The following LRFN2 variants were observed in gnomAD, a reference collection of about 807,000 sequenced individuals.
LRFN2 encodes leucine rich repeat and fibronectin type III domain containing 2.
In LRFN2, 18 loss-of-function variants were observed where a neutral mutation model predicts 37.3. The observed-to-expected ratio is 0.48, with a 90% CI of 0.33 to 0.72. The LOEUF is 0.72. LRFN2 is among the 30% of genes least tolerant of loss of function. LRFN2 has a pLI of 0.02. For synonymous variants in LRFN2, 556 were observed against 466.6 expected, an observed-to-expected ratio of 1.19 and a Z score of -2.47; for missense variants, 1,006 against 1,060.7, an observed-to-expected ratio of 0.95 and a Z score of 0.72.
In LRFN2 at chr6:40,493,811, G is replaced by A. The variant is rs190414371; in HGVS notation, c.-18-60680C>T. Among the ~76,000 whole-genome samples the A allele has an allele frequency of 1.7e-3, 254 of 152,298 alleles. 1 individual carries two copies. Among genetic ancestry groups the A allele is most frequent in the South Asian group, 7.7e-3 (37 of 4,808 alleles). ...GTCAATCCTGCCTTATCCCCATCAA[G>A]CCAGGCTCTAGAACCCCAGTCAGGG... On this transcript the variant is annotated intron_variant, in intron 1 of 2. Transcript: ENST00000338305.
intron 1 of LRFN2, among the ~76,000 whole-genome samples, chr6:40,463,395 ATTTCATATCCTT>A (rs1343296964): frequency 2.0e-5 from 3 of 152,112 alleles, no homozygotes. Flanking sequence ...TAGTTTCAGT[ATTTCATATCCTT>A]TTTCCACTCT....
At chr6:40,444,046 C>T (rs1376032520) in intron 1 of LRFN2, among the ~76,000 whole-genome samples, 2 of 152,164 alleles carry the variant, frequency 1.3e-5, no homozygotes, top group Non-Finnish European at 2.9e-5. Context: ...CCCCCAATGG[C>T]CAAACCTAAC....
At chr6:40,503,845 T>C (rs998590853) in intron 1 of LRFN2, among the ~76,000 whole-genome samples, 3 of 152,008 alleles carry the variant, frequency 2.0e-5, no homozygotes, top group Non-Finnish European at 4.4e-5. Flanking sequence ...GACTTTACTA[T>C]GCTCGTTGGA....
chr6:40,461,919 C>A (rs1200200280), intron 1 of LRFN2, among the ~76,000 whole-genome samples: 1 of 152,176 alleles, frequency 6.6e-6, no homozygotes, highest in Non-Finnish European at 1.5e-5. Flanking sequence ...TCTACAAATA[C>A]ATTAGCTGAG....
chr6:40,511,324 G>C (rs1252828007), intron 1 of LRFN2, among the ~76,000 whole-genome samples: 1 of 152,094 alleles, frequency 6.6e-6, no homozygotes, highest in Non-Finnish European at 1.5e-5. Context: ...GAAGATGGAT[G>C]GTAATTTTTT....
intron 2 of LRFN2, among the ~76,000 whole-genome samples, chr6:40,395,165 CA>C (rs1472194304): frequency 1.3e-5 from 2 of 152,092 alleles, no homozygotes; most frequent in African/African-American, 4.8e-5. Context: ...GGCATCATGA[CA>C]GTCCTGTAAA....
At chr6:40,491,273 G>A (rs530793442) in intron 1 of LRFN2, among the ~76,000 whole-genome samples, 2 of 152,280 alleles carry the variant, frequency 1.3e-5, no homozygotes, top group South Asian at 2.1e-4. Flanking sequence ...GGGACCCCAC[G>A]AATTTAACAA....
intron 1 of LRFN2, among the ~76,000 whole-genome samples, chr6:40,453,478 A>G (rs1258641078): frequency 1.3e-5 from 2 of 149,692 alleles, no homozygotes; most frequent in African/African-American, 4.9e-5. Context: ...ACCACTCCTC[A>G]ATAGGGTCAA....
At chr6:40,430,541 C>T (rs2113822563) in intron 2 of LRFN2, among the ~76,000 whole-genome samples, 1 of 152,310 alleles carries the variant, frequency 6.6e-6, no homozygotes, top group Non-Finnish European at 1.5e-5. Flanking sequence ...AGGCCATGTC[C>T]TTCATGTTTC....
chr6:40,505,677 C>A (rs115807317), intron 1 of LRFN2, among the ~76,000 whole-genome samples: 3,329 of 152,298 alleles, frequency 0.022, 98 homozygotes, highest in African/African-American at 0.076. Flanking sequence ...CTTTCATAAT[C>A]ACTGGGTAGC....
intron 1 of LRFN2, among the ~76,000 whole-genome samples, chr6:40,559,124 G>C (rs144958575): frequency 5.3e-5 from 8 of 152,152 alleles, no homozygotes; most frequent in Middle Eastern, 3.4e-3. Context: ...GATGATATTG[G>C]GGGGAGGATG....
intron 1 of LRFN2, among the ~76,000 whole-genome samples, chr6:40,452,183 A>G (rs919488262): frequency 6.6e-6 from 1 of 152,186 alleles, no homozygotes; most frequent in Non-Finnish European, 1.5e-5. Context: ...TCAAGGGCAA[A>G]GTGTAGATCA....
intron 1 of LRFN2, among the ~76,000 whole-genome samples, chr6:40,500,878 C>A (rs1346445380): frequency 1.4e-5 from 2 of 147,966 alleles, no homozygotes; most frequent in Non-Finnish European, 2.9e-5. Context: ...AAAATGCCTA[C>A]TGTGTTATCC....
intron 1 of LRFN2, among the ~76,000 whole-genome samples, chr6:40,539,032 C>T (rs904350722): frequency 3.3e-5 from 5 of 152,182 alleles, no homozygotes; most frequent in Non-Finnish European, 5.9e-5. Flanking sequence ...GTTCCTCCCT[C>T]TCTAAGACAG....
intron 2 of LRFN2, among the ~76,000 whole-genome samples, chr6:40,415,837 G>T (rs1303226582): frequency 6.6e-6 from 1 of 152,216 alleles, no homozygotes. Flanking sequence ...AGGCAGGGAG[G>T]TAGGATGTTG....
rs144810735 is a variant in LRFN2, at chr6:40,475,636, C to G, written c.-18-42505G>C. ...CTGAGGAAGGGAGCCCTCATCCCTT[C>G]CCCTAAAACTAAGCTCTTCTCACAG... On this transcript the variant is annotated intron_variant, in intron 1 of 2. Coordinates refer to ENST00000338305, the MANE Select transcript of LRFN2 (RefSeq NM_020737.3). Among the ~76,000 whole-genome samples the G allele has an allele frequency of 2.0e-5, 3 of 152,282 alleles. No homozygotes were observed. In the East Asian group the frequency reaches 5.8e-4, roughly 29 times the overall value.
intron 1 of LRFN2, among the ~76,000 whole-genome samples, chr6:40,508,868 A>C (rs554972903): frequency 6.6e-6 from 1 of 152,260 alleles, no homozygotes; most frequent in African/African-American, 2.4e-5. Context: ...CGACCACATC[A>C]TGATCTTGGA....
At chr6:40,458,496 C>A (rs951479400) in intron 1 of LRFN2, among the ~76,000 whole-genome samples, 2 of 152,212 alleles carry the variant, frequency 1.3e-5, no homozygotes, top group Non-Finnish European at 2.9e-5. Flanking sequence ...TATATCCTGG[C>A]TATGTTGACG....
intron 2 of LRFN2, among the ~76,000 whole-genome samples, chr6:40,427,983 T>C (rs545955354): frequency 3.3e-5 from 5 of 152,350 alleles, no homozygotes; most frequent in African/African-American, 1.2e-4. Flanking sequence ...TGGGCAAACA[T>C]ACAGGCTGCC....
Sources: gnomAD v4.1 joint callset for allele counts (sites outside exome capture counted in the v4.1 genomes callset) on GRCh38, gnomAD v4.1.1 for gene constraint, MANE v1.5 for transcripts, NCBI Gene and HGNC (gene_info 2026-07-23, HGNC 2026-07-21) for gene names.